The following ADAM23 variants were observed in gnomAD, a reference collection of about 807,000 sequenced individuals.
ADAM23 encodes ADAM metallopeptidase domain 23, also known as disintegrin and metalloproteinase domain-containing protein 23.
A neutral mutation model predicts 120.1 loss-of-function variants in ADAM23; 33 were observed. The observed-to-expected ratio is 0.27, with a 90% CI of 0.21 to 0.37. The LOEUF is 0.37. Among genes scored for constraint, ADAM23 ranks in the 10% least tolerant of loss-of-function variants. The pLI is 1.00. For synonymous variants in ADAM23, 367 were observed against 375.2 expected (o/e 0.98, Z 0.25); for missense variants, 862 against 1,058.2 (o/e 0.81, Z 2.57).
chr2:206,569,996 C>G (rs1481532209), intron 15 of ADAM23, among the ~76,000 whole-genome samples: 1 of 151,996 alleles, frequency 6.6e-6, no homozygotes, highest in Non-Finnish European at 1.5e-5. Flanking sequence ...AATCCTGCCC[C>G]CCTCCCCACT....
At chr2:206,603,609 T>C (rs1698679174) in intron 24 of ADAM23, among the ~76,000 whole-genome samples, 1 of 152,168 alleles carries the variant, frequency 6.6e-6, no homozygotes, top group Non-Finnish European at 1.5e-5. Context: ...GTGGAGGAAA[T>C]TATTCTTTCT....
chr2:206,530,288 A>G (rs559877849), intron 3 of ADAM23, among the ~76,000 whole-genome samples: 1 of 152,354 alleles, frequency 6.6e-6, no homozygotes, highest in Non-Finnish European at 1.5e-5. Flanking sequence ...TGAGCTGAGT[A>G]GTTGTAGTGG....
chr2:206,470,254 C>A (rs368704989), intron 2 of ADAM23, among the ~76,000 whole-genome samples: 1 of 152,046 alleles, frequency 6.6e-6, no homozygotes, highest in African/African-American at 2.4e-5. Context: ...TAGACATATT[C>A]TATTTTTATT....
chr2:206,541,308 G>A (rs1486072979), intron 4 of ADAM23, among the ~76,000 whole-genome samples: 1 of 152,084 alleles, frequency 6.6e-6, no homozygotes, highest in Non-Finnish European at 1.5e-5. Context: ...CAATATTTGT[G>A]TACACATAAA....
intron 3 of ADAM23, among the ~76,000 whole-genome samples, chr2:206,485,310 T>C (rs1170413726): frequency 2.0e-5 from 3 of 152,162 alleles, no homozygotes; most frequent in Non-Finnish European, 4.4e-5. Context: ...AAGTCAGTAA[T>C]AGAGGACCCA....
intron 18 of ADAM23, among the ~76,000 whole-genome samples, chr2:206,580,179 T>C (rs897688333): frequency 1.3e-5 from 2 of 152,150 alleles, no homozygotes; most frequent in Non-Finnish European, 2.9e-5. Flanking sequence ...CAGTCTGACT[T>C]CCTCTTTACT....
At chr2:206,523,222 C>T (rs1306003340) in intron 3 of ADAM23, among the ~76,000 whole-genome samples, 2 of 152,148 alleles carry the variant, frequency 1.3e-5, no homozygotes, top group Non-Finnish European at 2.9e-5. Flanking sequence ...GGACCATTAC[C>T]TGAGATGCAG....
intron 25 of ADAM23, among the ~76,000 whole-genome samples, chr2:206,610,891 A>G (rs1286196902): frequency 1.3e-5 from 2 of 152,204 alleles, no homozygotes; most frequent in Non-Finnish European, 2.9e-5. Flanking sequence ...TTTCAGCCAG[A>G]TTCACAGAAA....
rs573002454 is a variant in ADAM23, at chr2:206,584,395, G to A, written c.1738-2930G>A. 1.4e-4 allele frequency among the ~76,000 whole-genome samples: 21 copies of A among 152,308 alleles called. No individual in the cohort carries two copies. The East Asian group carries it at 1.5e-3, about 11-fold the overall frequency. ...AGCTGTAGTAGTGTGGAGAGGGACC[G>A]GTAGTGGGCAGGGCCCTAGAACTCC... On this transcript the variant is annotated intron_variant, in intron 18 of 25. Coordinates refer to ENST00000264377, the MANE Select transcript of ADAM23 (RefSeq NM_003812.4).
chr2:206,607,809 A>G (rs758827080), intron 24 of ADAM23: 71 of 263,376 alleles, frequency 2.7e-4, no homozygotes, highest in Non-Finnish European at 4.7e-4. Flanking sequence ...GTAGTACAAT[A>G]TAGATTGTCT....
At chr2:206,533,505 A>G (rs1697111824) in intron 4 of ADAM23, among the ~76,000 whole-genome samples, 1 of 152,196 alleles carries the variant, frequency 6.6e-6, no homozygotes, top group African/African-American at 2.4e-5. Flanking sequence ...GCCCGGCTCA[A>G]AGATCTCAAA....
chr2:206,472,674 T>C (rs1680896398), intron 2 of ADAM23, among the ~76,000 whole-genome samples: 1 of 152,022 alleles, frequency 6.6e-6, no homozygotes, highest in South Asian at 2.1e-4. Flanking sequence ...GAAGATGAAT[T>C]TGGAATCTCT....
intron 5 of ADAM23, among the ~76,000 whole-genome samples, chr2:206,542,369 G>A (rs371601104): frequency 1.3e-5 from 2 of 152,314 alleles, no homozygotes; most frequent in South Asian, 4.1e-4. Flanking sequence ...GTTAAGAGCT[G>A]TAAAGGGGAA....
chr2:206,501,964 C>T (rs1696396532), intron 3 of ADAM23, among the ~76,000 whole-genome samples: 1 of 152,032 alleles, frequency 6.6e-6, no homozygotes, highest in Non-Finnish European at 1.5e-5. Flanking sequence ...TTTTTAGTAT[C>T]TTCTTTACAG....
intron 24 of ADAM23, chr2:206,607,098 G>A (rs970281880): frequency 1.3e-5 from 2 of 152,234 alleles, no homozygotes; most frequent in African/African-American, 2.4e-5. Context: ...AAGATGACAT[G>A]AGCCTTCTTT....
At chr2:206,557,613 C>T in intron 10 of ADAM23, 115 bp downstream of exon 10, 1 of 957,166 alleles carries the variant, frequency 1.0e-6, no homozygotes, top group South Asian at 1.4e-5. Context: ...TCCTGAAGCT[C>T]ATCTGGCTAA....
intron 15 of ADAM23, among the ~76,000 whole-genome samples, chr2:206,570,262 C>A (rs114156448): frequency 0.015 from 2,346 of 152,240 alleles, 29 homozygotes; most frequent in Middle Eastern, 0.031. Context: ...ATTTTTTCCC[C>A]TAAGTTTACT....
intron 2 of ADAM23, among the ~76,000 whole-genome samples, chr2:206,446,021 G>GA (rs1370261415): frequency 4.6e-5 from 7 of 151,414 alleles, no homozygotes; most frequent in Non-Finnish European, 1.0e-4. Context: ...TCAGTAGGAG[G>GA]AAAAAAAAAT....
chr2:206,477,760 A>T (rs888266600), intron 2 of ADAM23, among the ~76,000 whole-genome samples: 12 of 151,672 alleles, frequency 7.9e-5, no homozygotes, highest in African/African-American at 2.7e-4. Context: ...TCAGTTCATT[A>T]TCTCTAAAAT....
Sources: allele counts gnomAD v4.1 joint callset (sites outside exome capture counted in the v4.1 genomes callset), GRCh38; gene constraint gnomAD v4.1.1; transcripts MANE v1.5; gene names NCBI Gene and HGNC (gene_info 2026-07-23, HGNC 2026-07-21).